Variants in SBNO1 observed in about 807,000 individuals in gnomAD.
The protein encoded by SBNO1 is strawberry notch homolog 1.
In SBNO1, 23 loss-of-function variants were observed where a neutral mutation model predicts 173.6. The ratio of observed to expected loss-of-function variants is 0.13; its 90% CI spans 0.10 to 0.19. SBNO1 has a LOEUF of 0.19. Among genes scored for constraint, SBNO1 ranks in the 10% least tolerant of loss-of-function variants. The pLI, the probability that SBNO1 is intolerant of heterozygous loss-of-function variation, is 1.00. For synonymous variants in SBNO1, 632 were observed against 571.5 expected (o/e 1.11, Z -1.51); for missense variants, 1,238 against 1,671.2 (o/e 0.74, Z 4.52).
chr12:123,320,642 A>C lies in SBNO1; in HGVS notation c.2492-35T>G, dbSNP rs1289495760. ...GAACATTTGCTAAAAGTTAGTACAA[A>C]GTTTAAATATTTTTGTTTAAAACAG... On this transcript the variant is annotated intron_variant, in intron 18 of 31. Coordinates refer to ENST00000602398, the MANE Select transcript of SBNO1 (RefSeq NM_001167856.3). 3 of 1,599,980 alleles carry C rather than the reference A, an allele frequency of 1.9e-6. No individual in the cohort carries two copies. The African/African-American group carries it at 4.1e-5, about 22-fold the overall frequency.
At chr12:123,311,188 C>A (rs1044447216) in intron 24 of SBNO1, 59 bp from the exon 25 acceptor site, 9 of 1,240,974 alleles carry the variant, frequency 7.3e-6, no homozygotes, top group East Asian at 4.7e-5. Flanking sequence ...CAATGTACCA[C>A]TAAGTGAGAA....
chr12:123,304,943 C>G (rs2048878159), intron 28 of SBNO1, among the ~76,000 whole-genome samples: 1 of 152,142 alleles, frequency 6.6e-6, no homozygotes, highest in Admixed American at 6.6e-5. Flanking sequence ...GGTTAAAGAC[C>G]AAAGTTATCT....
rs1291027913 is a variant in SBNO1 at position 123,311,742 on chromosome 12, A to C, written c.3221-613T>G. On this transcript the variant is annotated intron_variant, in intron 24 of 31. Transcript: ENST00000602398. ...TATCTATATATATATATATATATAT[A>C]TATATATTTTTGCGACAGAGTCTGA... Among the ~76,000 whole-genome samples the C allele has an allele frequency of 8.5e-4, 108 of 126,330 alleles. 2 individuals carry two copies. Among genetic ancestry groups the C allele is most frequent in the African/African-American group, 2.5e-3 (93 of 36,588 alleles). The allele number at this position is 126,330 out of a possible 152,430, so 82.9% of individuals were successfully genotyped here.
chr12:123,295,044 C>T lies in SBNO1; in HGVS notation c.*864G>A, dbSNP rs570835156. On this transcript the variant is annotated 3_prime_UTR_variant, in exon 32 of 32. Coordinates refer to ENST00000602398, the MANE Select transcript of SBNO1 (RefSeq NM_001167856.3). The stretch of plus-strand genomic sequence containing the variant: ...CAATTTGTACTTCCTTCTAAAACTA[C>T]CTTTAAGTTGCAAATGTAAATTTAA... 1 of 152,298 alleles carries T rather than the reference C, an allele frequency of 6.6e-6. No individual in the cohort carries two copies. The highest frequency in any genetic ancestry group is 6.5e-5 in the Admixed American group (1 of 15,288). 9.4% of individuals were successfully genotyped at this position (152,298 alleles called of 1,614,324 possible).
rs1311615956 is a variant in SBNO1 at position 123,348,251 on chromosome 12, A to G, written c.133-118T>C. 2.9e-5 allele frequency: 16 copies of G among 552,498 alleles called. No homozygotes were observed. The East Asian group carries it at 5.0e-4, about 17-fold the overall frequency. The allele number at this position is 552,498 out of a possible 1,614,324, so 34.2% of individuals were successfully genotyped here. A position where few individuals can be genotyped will look rare whatever the true frequency, so the allele number is the denominator to read the frequency against. On this transcript the variant is annotated intron_variant, in intron 2 of 31. Coordinates refer to ENST00000602398, the MANE Select transcript of SBNO1 (RefSeq NM_001167856.3). Reference sequence around the variant, plus strand: ...TTAACATTCAAACTGACGTTAAATCACTAACAGCAGATTTATAATGTAATA... The same window carrying G: ...TTAACATTCAAACTGACGTTAAATCGCTAACAGCAGATTTATAATGTAATA...
chr12:123,329,665 T>C (rs971283714), intron 9 of SBNO1, among the ~76,000 whole-genome samples: 5 of 152,064 alleles, frequency 3.3e-5, no homozygotes, highest in African/African-American at 4.8e-5. Context: ...CAAGACACAG[T>C]ACTTTATAGC....
Position 123,294,515 on chromosome 12 carries a change from A to G in SBNO1, c.*1393T>C, listed in dbSNP as rs910533556. The G allele has an allele frequency of 7.2e-5, 11 of 153,488 alleles. No homozygotes were observed. The highest frequency in any genetic ancestry group is 1.3e-4 in the Admixed American group (2 of 15,274). 9.5% of individuals were successfully genotyped at this position (153,488 alleles called of 1,614,324 possible). The stretch of plus-strand genomic sequence containing the variant: ...AAGGTCACCAGTGAGGGCCTAAACA[A>G]GAGTCCACTTCTTGTTAGTATAATA... On this transcript the variant is annotated 3_prime_UTR_variant, in exon 32 of 32. Coordinates refer to ENST00000602398, the MANE Select transcript of SBNO1 (RefSeq NM_001167856.3).
intron 9 of SBNO1, 105 bp from the exon 10 acceptor site, chr12:123,329,000 C>T: frequency 3.2e-6 from 2 of 623,782 alleles, no homozygotes; most frequent in East Asian, 2.9e-5. Flanking sequence ...AGGCCCATGA[C>T]AGGCTTCAGA....
chr12:123,301,770 A>G (rs2048796202), intron 30 of SBNO1, among the ~76,000 whole-genome samples: 2 of 152,094 alleles, frequency 1.3e-5, no homozygotes, highest in African/African-American at 4.8e-5. Flanking sequence ...AGGAAGAAAG[A>G]AAAGAGCCCA....
intron 21 of SBNO1, among the ~76,000 whole-genome samples, chr12:123,316,343 G>C (rs929981966): frequency 2.4e-4 from 36 of 152,030 alleles, no homozygotes; most frequent in African/African-American, 8.5e-4. Flanking sequence ...TCCTACCTCT[G>C]CCTCCTGAGT....
At chr12:123,325,705 C>A (rs1870535328) in intron 14 of SBNO1, 106 bp from the exon 15 acceptor site, 1 of 775,550 alleles carries the variant, frequency 1.3e-6, no homozygotes. Context: ...ACAAGAATGT[C>A]CTCATTATTA....
chr12:123,310,660 G>A (rs1236137910), intron 25 of SBNO1, among the ~76,000 whole-genome samples: 1 of 151,946 alleles, frequency 6.6e-6, no homozygotes, highest in Non-Finnish European at 1.5e-5. Flanking sequence ...TTAGCCTCCC[G>A]AGTAGCTGGG....
chr12:123,363,737 C>T (rs1331567167), intron 1 of SBNO1: 2 of 494,128 alleles, frequency 4.0e-6, no homozygotes, highest in South Asian at 8.8e-5. Context: ...AAAACAAAAG[C>T]CTCCCACAGT....
chr12:123,306,885 T>C (rs2048928208), intron 28 of SBNO1, among the ~76,000 whole-genome samples: 1 of 151,828 alleles, frequency 6.6e-6, no homozygotes, highest in Admixed American at 6.6e-5. Flanking sequence ...AATCAGTATT[T>C]CAAAAACCCC....
At chr12:123,328,123 T>C (rs1234710840) in intron 10 of SBNO1, 96 bp from the exon 11 acceptor site, 1 of 951,748 alleles carries the variant, frequency 1.1e-6, no homozygotes, top group Non-Finnish European at 1.6e-6. Flanking sequence ...TGAGGCCTTC[T>C]GATTGCCTAT....
intron 1 of SBNO1, among the ~76,000 whole-genome samples, chr12:123,354,338 TAAC>T (rs1874193332): frequency 6.6e-6 from 1 of 152,166 alleles, no homozygotes; most frequent in Admixed American, 6.5e-5. Context: ...GACCTGGGAA[TAAC>T]AACGTCTGTA....
intron 16 of SBNO1, among the ~76,000 whole-genome samples, chr12:123,322,944 G>A (rs1308521876): frequency 6.6e-6 from 1 of 151,922 alleles, no homozygotes; most frequent in Non-Finnish European, 1.5e-5. Context: ...ACACCCAGCT[G>A]TCTATATATT....
At chr12:123,363,870 GGAAA>G (rs1875716320) in intron 1 of SBNO1, 1 of 985,486 alleles carries the variant, frequency 1.0e-6, no homozygotes, top group African/African-American at 1.7e-5. Flanking sequence ...GCCAGGGTCA[GGAAA>G]GAAACAATCA....
rs568691391 is a variant in SBNO1 at position 123,309,379 on chromosome 12, T to C, written c.3561A>G (p.Ser1187=). The change falls in exon 28 of 32, where the codon TCA becomes TCG. Residue 1187 remains serine, a synonymous_variant. Coordinates refer to ENST00000602398, the MANE Select transcript of SBNO1 (RefSeq NM_001167856.3). ...LYTISVERGM[S]WEEATKIWAE... is the part of the protein sequence containing the mutation. ...CCCAAATCTTGGTAGCTTCCTCCCA[T>C]GACATTCCCCTCTCTACACTAATCT... 1.8e-5 allele frequency: 29 copies of C among 1,614,080 alleles called. No individual in the cohort carries two copies. In the South Asian group the frequency reaches 2.5e-4, roughly 14 times the overall value.
Sources: allele counts gnomAD v4.1 joint callset (sites outside exome capture counted in the v4.1 genomes callset), GRCh38; gene constraint gnomAD v4.1.1; transcripts MANE v1.5; gene names NCBI Gene and HGNC (gene_info 2026-07-23, HGNC 2026-07-21).